CREG2: variants seen among roughly 807,000 people sequenced by gnomAD.
CREG2 encodes protein CREG2.
Under a neutral mutation model 26.2 loss-of-function variants are expected in CREG2, and 24 were observed. The ratio of observed to expected loss-of-function variants is 0.92; its 90% confidence interval spans 0.66 to 1.29. CREG2 has a LOEUF of 1.29. Ranked by LOEUF, CREG2 falls within the 50% of genes most tolerant of loss-of-function variation. The probability of loss-of-function intolerance (pLI) is 0.00; values close to 1 mark genes in which losing one functional copy is unlikely to be tolerated. For missense variants in CREG2, 366 were observed against 398.6 expected, an observed-to-expected ratio of 0.92 and a Z score of 0.70; for synonymous variants, 174 against 169.2, an observed-to-expected ratio of 1.03 and a Z score of -0.22.
At chr2:101,382,426 C>CG in intron 2 of CREG2, 2 of 713,134 alleles carry the variant, frequency 2.8e-6, no homozygotes, top group South Asian at 7.0e-5. Flanking sequence ...AACTCTATCT[C>CG]GAAAAAAAAA....
intron 3 of CREG2, among the ~76,000 whole-genome samples, chr2:101,351,340 C>T (rs1684378952): frequency 1.3e-5 from 2 of 152,146 alleles, no homozygotes; most frequent in Admixed American, 1.3e-4. Flanking sequence ...AGCTGTGACG[C>T]CAGTGGGCTG....
intron 2 of CREG2, among the ~76,000 whole-genome samples, chr2:101,356,703 T>C (rs144382991): frequency 6.6e-6 from 1 of 152,252 alleles, no homozygotes; most frequent in African/African-American, 2.4e-5. Flanking sequence ...GGCTTTCAAA[T>C]ATTGCTGTCA....
At chr2:101,376,420 G>A (rs980087385) in intron 2 of CREG2, among the ~76,000 whole-genome samples, 17 of 151,874 alleles carry the variant, frequency 1.1e-4, no homozygotes, top group Non-Finnish European at 2.1e-4. Flanking sequence ...TGGGACTACC[G>A]GCCCCCACCA....
intron 2 of CREG2, among the ~76,000 whole-genome samples, chr2:101,364,026 T>C (rs1457896405): frequency 1.3e-5 from 2 of 152,146 alleles, no homozygotes; most frequent in African/African-American, 2.4e-5. Flanking sequence ...AGCATCTTGG[T>C]TGTCACAGAA....
rs1290850897 is a variant in CREG2, at chr2:101,347,019, T to G, written c.*3904A>C. 1 of 152,244 alleles carries G rather than the reference T, an allele frequency of 6.6e-6. No individual in the cohort carries two copies. The highest frequency in any genetic ancestry group is 1.5e-5 in the Non-Finnish European group (1 of 68,038). 9.4% of individuals were successfully genotyped at this position (152,244 alleles called of 1,614,324 possible). ...CTCCTCCCTGGCAACCCCTAATCTA[T>G]TCTCCATTCCTATAATTTTGCATTT... On this transcript the variant is annotated 3_prime_UTR_variant, in exon 4 of 4. Coordinates refer to ENST00000324768, the MANE Select transcript of CREG2 (RefSeq NM_153836.4).
intron 3 of CREG2, among the ~76,000 whole-genome samples, chr2:101,353,622 C>A (rs926820137): frequency 1.3e-5 from 2 of 152,092 alleles, no homozygotes; most frequent in African/African-American, 4.8e-5. Context: ...GGGCATATAC[C>A]CAAAGGATTA....
rs1360356060 is a variant in CREG2, at chr2:101,348,403, A to G, written c.*2520T>C. 6.6e-6 allele frequency: 1 copy of G among 152,196 alleles called. No individual in the cohort carries two copies. The highest frequency in any genetic ancestry group is 1.5e-5 in the Non-Finnish European group (1 of 68,018). 9.4% of individuals were successfully genotyped at this position (152,196 alleles called of 1,614,324 possible). A position where few individuals can be genotyped will look rare whatever the true frequency, so the allele number is the denominator to read the frequency against. On this transcript the variant is annotated 3_prime_UTR_variant, in exon 4 of 4. Coordinates refer to ENST00000324768, the MANE Select transcript of CREG2 (RefSeq NM_153836.4). ...GGAGATGGGGAGAACTGATATCTTT[A>G]CTGTTTGTATCTTCCAATCCAAGAA...
chr2:101,371,970 G>T (rs544939731), intron 2 of CREG2, among the ~76,000 whole-genome samples: 1 of 152,288 alleles, frequency 6.6e-6, no homozygotes, highest in East Asian at 1.9e-4. Flanking sequence ...AAGAGGTAAA[G>T]AAGGGAGGGA....
intron 2 of CREG2, among the ~76,000 whole-genome samples, chr2:101,364,175 A>G (rs1684587352): frequency 1.3e-5 from 2 of 152,170 alleles, no homozygotes; most frequent in South Asian, 4.1e-4. Context: ...GATATGTCAC[A>G]AGGCTTTGTC....
intron 2 of CREG2, among the ~76,000 whole-genome samples, chr2:101,364,585 C>T (rs536754908): frequency 2.8e-4 from 43 of 152,186 alleles, no homozygotes; most frequent in African/African-American, 9.4e-4. Context: ...TGAAGGGGAA[C>T]GTTTAGGTTT....
intron 3 of CREG2, among the ~76,000 whole-genome samples, chr2:101,351,288 G>A (rs1195749871): frequency 6.6e-6 from 1 of 152,164 alleles, no homozygotes; most frequent in Non-Finnish European, 1.5e-5. Flanking sequence ...CTCAAGACGT[G>A]GGCCAGGCTC....
intron 2 of CREG2, chr2:101,382,446 TAAGAA>T (rs1248361827): frequency 1.2e-4 from 114 of 921,982 alleles, no homozygotes; most frequent in Non-Finnish European, 1.5e-4. Context: ...AAAAAAAGAG[TAAGAA>T]AAGAAAAGAA....
chr2:101,354,097 C>A (rs1684419340), intron 3 of CREG2, among the ~76,000 whole-genome samples: 1 of 152,056 alleles, frequency 6.6e-6, no homozygotes, highest in African/African-American at 2.4e-5. Context: ...GCATGTTCTG[C>A]ACACGTATCC....
chr2:101,363,711 G>A (rs972758589), intron 2 of CREG2, among the ~76,000 whole-genome samples: 2 of 152,014 alleles, frequency 1.3e-5, no homozygotes, highest in Admixed American at 1.3e-4. Flanking sequence ...TTGGCCGGGC[G>A]TTGTGGTGCA....
At chr2:101,372,896 A>G in intron 2 of CREG2, among the ~76,000 whole-genome samples, 1 of 152,376 alleles carries the variant, frequency 6.6e-6, no homozygotes, top group South Asian at 2.1e-4. Context: ...GATGCTCAGC[A>G]TCGTTAGTCA....
At chr2:101,365,269 G>C (rs1684603631) in intron 2 of CREG2, among the ~76,000 whole-genome samples, 1 of 152,186 alleles carries the variant, frequency 6.6e-6, no homozygotes, top group Non-Finnish European at 1.5e-5. Flanking sequence ...TGTTGTTCCT[G>C]AGACTGCTCC....
chr2:101,357,043 C>T (rs984389338), intron 2 of CREG2, among the ~76,000 whole-genome samples: 3 of 152,156 alleles, frequency 2.0e-5, no homozygotes, highest in Non-Finnish European at 4.4e-5. Flanking sequence ...GAATGCACCA[C>T]ACGCCCGGCT....
Position 101,346,652 on chromosome 2 carries a change from C to T in CREG2, c.*4271G>A, listed in dbSNP as rs1303670834. ...TTGTACTAGGTTTTGGCTTATAGCT[C>T]AGTTCCTCATTTTATTAGGGACTAA... On this transcript the variant is annotated 3_prime_UTR_variant, in exon 4 of 4. Coordinates refer to ENST00000324768, the MANE Select transcript of CREG2 (RefSeq NM_153836.4). The T allele has an allele frequency of 6.6e-6, 1 of 152,170 alleles. No individual in the cohort carries two copies. The highest frequency in any genetic ancestry group is 1.5e-5 in the Non-Finnish European group (1 of 68,038). The allele number at this position is 152,170 out of a possible 1,614,324, so 9.4% of individuals were successfully genotyped here.
intron 1 of CREG2, among the ~76,000 whole-genome samples, chr2:101,385,014 C>G (rs1684943587): frequency 6.6e-6 from 1 of 152,182 alleles, no homozygotes; most frequent in South Asian, 2.1e-4. Flanking sequence ...CTGCACCATG[C>G]TTTCTGAACA....
Sources: gnomAD v4.1 joint callset for allele counts (sites outside exome capture counted in the v4.1 genomes callset) on GRCh38, gnomAD v4.1.1 for gene constraint, MANE v1.5 for transcripts, NCBI Gene and HGNC (gene_info 2026-07-23, HGNC 2026-07-21) for gene names.